Variants in RNF150 observed in about 807,000 individuals in gnomAD.
RNF150 encodes ring finger protein 150.
In RNF150, 24 loss-of-function variants were observed where a neutral mutation model predicts 39.3. The ratio of observed to expected loss-of-function variants is 0.61; its 90% CI spans 0.44 to 0.86. The LOEUF (loss-of-function observed/expected upper bound fraction) is 0.86. RNF150 is among the 40% of genes least tolerant of loss of function. The pLI, the probability that RNF150 is intolerant of heterozygous loss-of-function variation, is 0.00. For missense variants in RNF150, 502 were observed against 587.8 expected, an observed-to-expected ratio of 0.85 and a Z score of 1.51; for synonymous variants, 255 against 227.3, an observed-to-expected ratio of 1.12 and a Z score of -1.10.
chr4:140,879,631 T>C (rs1039599653), intron 6 of RNF150, among the ~76,000 whole-genome samples: 2 of 151,954 alleles, frequency 1.3e-5, no homozygotes, highest in African/African-American at 4.8e-5. Flanking sequence ...AAGACCAGCC[T>C]GGGCAACATA....
At chr4:140,903,600 G>T (rs1454991293) in intron 6 of RNF150, among the ~76,000 whole-genome samples, 6 of 152,156 alleles carry the variant, frequency 3.9e-5, no homozygotes, top group African/African-American at 1.4e-4. Context: ...TAAACTGCAG[G>T]TCTGCCCCCC....
Position 140,887,441 on chromosome 4 carries a change from A to G in RNF150, c.1199-19062T>C, listed in dbSNP as rs112109281. Among the ~76,000 whole-genome samples the G allele has an allele frequency of 2.0e-5, 3 of 152,292 alleles. 1 individual carries two copies. Among genetic ancestry groups the G allele is most frequent in the African/African-American group, 4.8e-5 (2 of 41,574 alleles). On this transcript the variant is annotated intron_variant, in intron 6 of 6. Coordinates refer to ENST00000515673, the MANE Select transcript of RNF150 (RefSeq NM_020724.2). Reference sequence around the variant, plus strand: ...TGAGAATATGTTTTATTCTTTCCCCACTAAGCTTTCTGGGCTCCTTCTTTG... The same window carrying G: ...TGAGAATATGTTTTATTCTTTCCCCGCTAAGCTTTCTGGGCTCCTTCTTTG...
chr4:141,124,275 T>C (rs1726692416), intron 1 of RNF150, among the ~76,000 whole-genome samples: 1 of 152,236 alleles, frequency 6.6e-6, no homozygotes. Flanking sequence ...CACCTGGCCC[T>C]TACATTGTGG....
At chr4:141,211,916 A>G (rs532527169) in intron 1 of RNF150, among the ~76,000 whole-genome samples, 8 of 152,332 alleles carry the variant, frequency 5.3e-5, no homozygotes, top group African/African-American at 1.9e-4. Flanking sequence ...GAAGGAAAGA[A>G]TTTAATAGAA....
At chr4:141,109,634 A>G (rs895347736) in intron 1 of RNF150, among the ~76,000 whole-genome samples, 2 of 152,128 alleles carry the variant, frequency 1.3e-5, no homozygotes, top group African/African-American at 4.8e-5. Context: ...TATACGGCAG[A>G]TCCTAAGGCA....
intron 5 of RNF150, among the ~76,000 whole-genome samples, chr4:140,916,252 A>G (rs1217960467): frequency 6.6e-6 from 1 of 152,190 alleles, no homozygotes; most frequent in Non-Finnish European, 1.5e-5. Flanking sequence ...ACTCTGAGCT[A>G]AAGAAGAAAG....
At chr4:141,111,760 C>A (rs1739391225) in intron 1 of RNF150, among the ~76,000 whole-genome samples, 2 of 152,118 alleles carry the variant, frequency 1.3e-5, no homozygotes, top group South Asian at 4.1e-4. Flanking sequence ...CGGGCATCAT[C>A]CGAGGCCAAT....
At chr4:140,961,434 A>G (rs989483975) in intron 2 of RNF150, among the ~76,000 whole-genome samples, 2 of 152,146 alleles carry the variant, frequency 1.3e-5, no homozygotes, top group Non-Finnish European at 2.9e-5. Flanking sequence ...TACTTCGACA[A>G]TGTAAAATAA....
intron 1 of RNF150, among the ~76,000 whole-genome samples, chr4:141,065,762 A>G (rs932176051): frequency 1.3e-5 from 2 of 152,138 alleles, no homozygotes. Context: ...GGGGTATGAT[A>G]TTAACATTCA....
At chr4:140,993,202 C>T (rs747449584) in intron 1 of RNF150, among the ~76,000 whole-genome samples, 6 of 152,112 alleles carry the variant, frequency 3.9e-5, no homozygotes, top group Admixed American at 3.9e-4. Flanking sequence ...GGCATGGCTG[C>T]GTTCCTTTGA....
chr4:140,868,015 G>GAC lies in RNF150; in HGVS notation c.*244_*245dup. 1 of 454,302 alleles carries GAC rather than the reference G, an allele frequency of 2.2e-6. No individual in the cohort carries two copies. The highest frequency in any genetic ancestry group is 3.9e-6 in the Non-Finnish European group (1 of 257,004). 28.1% of individuals were successfully genotyped at this position (454,302 alleles called of 1,614,324 possible). On this transcript the variant is annotated 3_prime_UTR_variant, in exon 7 of 7. Transcript: ENST00000515673. ...AGCTTCTGAAGTGTATGTCTACATG[G>GAC]ACATAGGAGTGGAAATCAGCTTTCA...
chr4:141,054,789 T>C (rs1736906687), intron 1 of RNF150, among the ~76,000 whole-genome samples: 1 of 152,276 alleles, frequency 6.6e-6, no homozygotes. Context: ...CTGAGAAATG[T>C]GAGCAAGACA....
chr4:140,924,537 GT>G (rs1731310367), intron 5 of RNF150, among the ~76,000 whole-genome samples: 1 of 151,732 alleles, frequency 6.6e-6, no homozygotes, highest in South Asian at 2.1e-4. Context: ...CTGTCTCATT[GT>G]GAGAACTGTC....
At chr4:140,933,571 T>C (rs112673099) in intron 4 of RNF150, among the ~76,000 whole-genome samples, 1 of 152,206 alleles carries the variant, frequency 6.6e-6, no homozygotes, top group Non-Finnish European at 1.5e-5. Flanking sequence ...ATACTCAACC[T>C]GTATTATGAT....
At chr4:141,184,287 G>C (rs189413525) in intron 1 of RNF150, among the ~76,000 whole-genome samples, 4 of 152,116 alleles carry the variant, frequency 2.6e-5, no homozygotes, top group African/African-American at 9.7e-5. Flanking sequence ...CATGTTTGTT[G>C]GCTACATAAA....
At chr4:141,140,023 G>A (rs1727092379) in intron 1 of RNF150, among the ~76,000 whole-genome samples, 1 of 152,060 alleles carries the variant, frequency 6.6e-6, no homozygotes, top group Non-Finnish European at 1.5e-5. Context: ...AGTTTTCTTA[G>A]CATTGGTGGT....
chr4:140,968,449 C>T (rs978359760), intron 1 of RNF150, among the ~76,000 whole-genome samples: 6 of 151,886 alleles, frequency 4.0e-5, no homozygotes, highest in Non-Finnish European at 8.8e-5. Flanking sequence ...ATATGATTTG[C>T]CAACATGAAA....
chr4:141,045,167 T>C (rs904715763), intron 1 of RNF150, among the ~76,000 whole-genome samples: 2 of 152,178 alleles, frequency 1.3e-5, no homozygotes, highest in African/African-American at 2.4e-5. Flanking sequence ...TTAAGCTATA[T>C]TGAAACTCCC....
At chr4:141,112,325 T>C (rs992843545) in intron 1 of RNF150, among the ~76,000 whole-genome samples, 12 of 58,790 alleles carry the variant, frequency 2.0e-4, no homozygotes, top group Admixed American at 4.7e-4. Flanking sequence ...ATAATATCGA[T>C]GGTCTTACAA....
Sources: gnomAD v4.1 joint callset for allele counts (sites outside exome capture counted in the v4.1 genomes callset) on GRCh38, gnomAD v4.1.1 for gene constraint, MANE v1.5 for transcripts, NCBI Gene and HGNC (gene_info 2026-07-23, HGNC 2026-07-21) for gene names.